Variants in REV1 observed in about 807,000 individuals in gnomAD.
REV1 encodes the protein translesion synthesis protein REV1.
REV1 carries 42 observed loss-of-function variants against 137.4 expected under a neutral mutation model. The ratio of observed to expected loss-of-function variants is 0.31; its 90% confidence interval spans 0.24 to 0.40. REV1 has a LOEUF of 0.40. REV1 is among the 10% of genes least tolerant of loss of function. The pLI is 1.00. For missense variants in REV1, 1,282 were observed against 1,490.1 expected, an observed-to-expected ratio of 0.86 and a Z score of 2.30; for synonymous variants, 524 against 519.2, an observed-to-expected ratio of 1.01 and a Z score of -0.12.
chr2:99,403,477 TA>T, intron 19 of REV1: 1 of 637,758 alleles, frequency 1.6e-6, no homozygotes, highest in Non-Finnish European at 2.6e-6. Flanking sequence ...TTTTAAAAAG[TA>T]AAAAGTGGTG....
chr2:99,436,096 C>A lies in REV1; in HGVS notation c.1214-155G>T, dbSNP rs571561813. Among the ~76,000 whole-genome samples the A allele has an allele frequency of 2.2e-3, 328 of 149,864 alleles. 3 individuals carry two copies. Among genetic ancestry groups the A allele is most frequent in the African/African-American group, 7.5e-3 (304 of 40,572 alleles). Reference sequence around the variant, plus strand: ...AATTGAGTACAGATTATTTCTATCACCTCAAGAGAAGCCAAATTTAATTAA... The same window carrying A: ...AATTGAGTACAGATTATTTCTATCAACTCAAGAGAAGCCAAATTTAATTAA... On this transcript the variant is annotated intron_variant, in intron 6 of 22. Coordinates refer to ENST00000258428, the MANE Select transcript of REV1 (RefSeq NM_016316.4).
At chr2:99,424,087 C>T in intron 10 of REV1, 65 bp downstream of exon 10, 3 of 1,503,886 alleles carry the variant, frequency 2.0e-6, no homozygotes, top group Non-Finnish European at 2.7e-6. Flanking sequence ...AAAACTTGAA[C>T]TGTCTTTACT....
intron 3 of REV1, among the ~76,000 whole-genome samples, chr2:99,461,579 C>T (rs1182815119): frequency 2.6e-5 from 4 of 152,130 alleles, no homozygotes; most frequent in Admixed American, 6.5e-5. Context: ...CAGACTGACA[C>T]AAATATTTAC....
At chr2:99,474,136 AAATTT>A (rs1325822221) in intron 1 of REV1, among the ~76,000 whole-genome samples, 4 of 152,294 alleles carry the variant, frequency 2.6e-5, no homozygotes, top group Middle Eastern at 3.4e-3. Flanking sequence ...TTTAACATTC[AAATTT>A]AATTTATTTA....
At chr2:99,465,901 C>A (rs76097146) in intron 1 of REV1, among the ~76,000 whole-genome samples, 1 of 152,100 alleles carries the variant, frequency 6.6e-6, no homozygotes, top group South Asian at 2.1e-4. Flanking sequence ...TGACACTTTA[C>A]CCCACACACA....
chr2:99,444,537 A>C (rs3792138), intron 4 of REV1, among the ~76,000 whole-genome samples: 4,602 of 152,342 alleles, frequency 0.03, 228 homozygotes, highest in East Asian at 0.14. Flanking sequence ...TTAGGCTTAC[A>C]TAAGTCAGTC....
intron 3 of REV1, among the ~76,000 whole-genome samples, chr2:99,450,308 A>G (rs1559370082): frequency 6.6e-6 from 1 of 152,186 alleles, no homozygotes; most frequent in Non-Finnish European, 1.5e-5. Context: ...CTGATTCACT[A>G]AAGTCATATT....
At chr2:99,417,096 ATGC>A (rs1321063559) in intron 12 of REV1, among the ~76,000 whole-genome samples, 36 of 152,210 alleles carry the variant, frequency 2.4e-4, no homozygotes, top group African/African-American at 8.2e-4. Context: ...CCAAATTTAT[ATGC>A]TGAAGTCCTG....
At chr2:99,409,334 T>C (rs1676779271) in intron 14 of REV1, among the ~76,000 whole-genome samples, 1 of 152,250 alleles carries the variant, frequency 6.6e-6, no homozygotes, top group Non-Finnish European at 1.5e-5. Context: ...AATATCATCA[T>C]ATACATGAAT....
intron 14 of REV1, among the ~76,000 whole-genome samples, chr2:99,409,619 G>T (rs569047723): frequency 1.3e-5 from 2 of 152,024 alleles, no homozygotes; most frequent in South Asian, 4.2e-4. Flanking sequence ...TGCGGTGGGC[G>T]GATCATTTGA....
chr2:99,461,208 A>C lies in REV1; in HGVS notation c.181+1288T>G, dbSNP rs544200700. On this transcript the variant is annotated intron_variant, in intron 3 of 22. Transcript: ENST00000258428. ...AATTCATCATCAATGATGCCTAATA[A>C]AACACTTAATTACAAGCAACACACT... Among the ~76,000 whole-genome samples, 16 of 152,328 alleles carry C rather than the reference A, an allele frequency of 1.1e-4. No individual in the cohort carries two copies. In the South Asian group the frequency reaches 3.3e-3, roughly 32 times the overall value.
intron 14 of REV1, among the ~76,000 whole-genome samples, chr2:99,409,791 C>T (rs889698007): frequency 1.3e-5 from 2 of 148,520 alleles, no homozygotes; most frequent in Admixed American, 6.8e-5. Flanking sequence ...TGCAATGAGC[C>T]GAGATCGCAC....
chr2:99,408,366 G>A (rs531560384), intron 14 of REV1: 5 of 317,920 alleles, frequency 1.6e-5, no homozygotes, highest in East Asian at 5.1e-5. Flanking sequence ...GGTAAAAACC[G>A]TAATGGACAC....
chr2:99,417,386 C>G (rs1678047793), intron 12 of REV1, among the ~76,000 whole-genome samples: 2 of 152,132 alleles, frequency 1.3e-5, no homozygotes, highest in Non-Finnish European at 2.9e-5. Context: ...TCAAATGATC[C>G]ATCTGCCTCG....
chr2:99,407,077 G>GTTTTTTTTTTTTT (rs1293864331), intron 15 of REV1: 13 of 46,766 alleles, frequency 2.8e-4, no homozygotes, highest in Admixed American at 9.2e-4. Flanking sequence ...ACCTACAAAG[G>GTTTTTTTTTTTTT]TTCTTTTTTT....
intron 3 of REV1, among the ~76,000 whole-genome samples, chr2:99,457,590 T>G (rs1683667362): frequency 7.4e-6 from 1 of 135,150 alleles, no homozygotes; most frequent in South Asian, 2.2e-4. Flanking sequence ...GTAGCTGAGG[T>G]ACAAGAATCG....
rs1675288728 is a variant in REV1, at chr2:99,400,915, T to C, written c.*326A>G. 6.1e-6 allele frequency: 1 copy of C among 164,466 alleles called. No homozygotes were observed. The highest frequency in any genetic ancestry group is 1.3e-5 in the Non-Finnish European group (1 of 75,812). 10.2% of individuals were successfully genotyped at this position (164,466 alleles called of 1,614,324 possible). On this transcript the variant is annotated 3_prime_UTR_variant, in exon 23 of 23. Transcript: ENST00000258428. ...AGTAGTTGCTTCCTAGAGTTGAGTT[T>C]TTAAGGATTCACAAAAAGGAGCCTG...
intron 18 of REV1, among the ~76,000 whole-genome samples, 186 bp downstream of exon 18, chr2:99,404,257 TG>T (rs1179253525): frequency 3.9e-5 from 6 of 152,148 alleles, no homozygotes; most frequent in Non-Finnish European, 7.3e-5. Flanking sequence ...AGCGGGAGGC[TG>T]CTCTGTGTCT....
chr2:99,436,990 GTTTTTTTTTTTT>G (rs749608176), intron 6 of REV1, among the ~76,000 whole-genome samples: 1 of 128,914 alleles, frequency 7.8e-6, no homozygotes, highest in South Asian at 2.5e-4. Flanking sequence ...CTTTTTTTTT[GTTTTTTTTTTTT>G]TTTTGAGATA....
Sources: gnomAD v4.1 joint callset for allele counts (sites outside exome capture counted in the v4.1 genomes callset) on GRCh38, gnomAD v4.1.1 for gene constraint, MANE v1.5 for transcripts, NCBI Gene and HGNC (gene_info 2026-07-23, HGNC 2026-07-21) for gene names.